The following ITPR2 variants were observed in gnomAD, a reference collection of about 807,000 sequenced individuals.
ITPR2 encodes inositol 1,4,5-trisphosphate receptor type 2, also known as inositol 1,4,5-trisphosphate-gated calcium channel ITPR2.
A neutral mutation model predicts 317.1 loss-of-function variants in ITPR2; 207 were observed. The observed-to-expected ratio is 0.65, with a 90% CI of 0.58 to 0.73. The LOEUF (loss-of-function observed/expected upper bound fraction) is 0.73, where lower values mean the gene tolerates loss of function less well. Ranked by LOEUF, ITPR2 falls within the 30% of genes least tolerant of loss-of-function variation. The probability of loss-of-function intolerance (pLI) is 0.00; values close to 1 mark genes in which losing one functional copy is unlikely to be tolerated. For synonymous variants in ITPR2, 1,156 were observed against 1,149.1 expected (o/e 1.01, Z -0.12); for missense variants, 2,613 against 3,284.0 (o/e 0.80, Z 4.99).
At chr12:26,588,830 T>C (rs1454504377) in intron 32 of ITPR2, among the ~76,000 whole-genome samples, 1 of 152,256 alleles carries the variant, frequency 6.6e-6, no homozygotes, top group Non-Finnish European at 1.5e-5. Flanking sequence ...GCCTCCTAAA[T>C]TATTTCTTGG....
rs767109803 is a variant in ITPR2 at position 26,487,258 on chromosome 12, G to A, written c.5371-7C>T. 2.5e-6 allele frequency: 4 copies of A among 1,582,698 alleles called. No individual in the cohort carries two copies. The highest frequency in any genetic ancestry group is 3.4e-6 in the Non-Finnish European group (4 of 1,167,714). ...ACTGCTGGTAGAAAGAATACTGCAAGAAAACATATTTTAAGACATCAATAC... is the reference window on the plus strand; with the variant it reads ...ACTGCTGGTAGAAAGAATACTGCAAAAAAACATATTTTAAGACATCAATAC... On this transcript the variant is annotated splice_polypyrimidine_tract_variant and splice_region_variant and intron_variant, in intron 39 of 56. Coordinates refer to ENST00000381340, the MANE Select transcript of ITPR2 (RefSeq NM_002223.4).
At chr12:26,726,931 C>A (rs749660724) in intron 2 of ITPR2, among the ~76,000 whole-genome samples, 9 of 151,898 alleles carry the variant, frequency 5.9e-5, no homozygotes, top group Non-Finnish European at 8.8e-5. Context: ...GATTGCCCCA[C>A]CCCCCATATA....
Position 26,659,151 on chromosome 12 carries a change from T to C in ITPR2, c.1848A>G (p.Glu616=). 1 of 1,613,576 alleles carries C rather than the reference T, an allele frequency of 6.2e-7. No individual in the cohort carries two copies. Among genetic ancestry groups the C allele is most frequent in the East Asian group, 2.2e-5 (1 of 44,816 alleles). The change falls in exon 16 of 57, where the codon GAA becomes GAG. Residue 616 remains glutamate, a synonymous_variant. Coordinates refer to ENST00000381340, the MANE Select transcript of ITPR2 (RefSeq NM_002223.4). ...TTCTCCTGAGTAAACTGACAAATGT[T>C]TCTATTTCTTTTGCTGTGATATGTT... ...LEKHITAKEI[E]TFVSLLRRNR... is the part of the protein sequence containing the mutation.
At chr12:26,470,787 C>T (rs949278500) in intron 45 of ITPR2, among the ~76,000 whole-genome samples, 1 of 152,076 alleles carries the variant, frequency 6.6e-6, no homozygotes, top group Admixed American at 6.5e-5. Context: ...TACCCTGTGA[C>T]CCAGTAATTA....
chr12:26,557,447 A>G (rs1016036422), intron 35 of ITPR2, among the ~76,000 whole-genome samples: 2 of 152,220 alleles, frequency 1.3e-5, no homozygotes, highest in African/African-American at 4.8e-5. Flanking sequence ...GTCCCAGTCA[A>G]TGAGACATCA....
chr12:26,450,617 T>A (rs1941714876), intron 45 of ITPR2, among the ~76,000 whole-genome samples: 1 of 152,176 alleles, frequency 6.6e-6, no homozygotes, highest in African/African-American at 2.4e-5. Flanking sequence ...AGGTGAATAT[T>A]TGGTACTTAG....
chr12:26,655,455 A>T (rs558573826), intron 20 of ITPR2, among the ~76,000 whole-genome samples: 7 of 152,106 alleles, frequency 4.6e-5, no homozygotes, highest in Admixed American at 4.6e-4. Context: ...TCTACTAAAA[A>T]TACAAAAAAT....
intron 2 of ITPR2, among the ~76,000 whole-genome samples, chr12:26,754,382 T>C (rs1949484074): frequency 6.6e-6 from 1 of 152,204 alleles, no homozygotes; most frequent in Admixed American, 6.5e-5. Context: ...AAAAGTCAGC[T>C]CTTATCTGCA....
chr12:26,619,719 A>G (rs1203865075), intron 26 of ITPR2, among the ~76,000 whole-genome samples: 1 of 152,174 alleles, frequency 6.6e-6, no homozygotes, highest in Admixed American at 6.5e-5. Flanking sequence ...AAGGAATTAA[A>G]GCTGGAGTCT....
chr12:26,486,415 A>T (rs1392145161), intron 40 of ITPR2, 55 bp from the exon 41 acceptor site: 34 of 1,344,780 alleles, frequency 2.5e-5, no homozygotes, highest in Middle Eastern at 3.9e-4. Flanking sequence ...TTACTAATTA[A>T]AAAAAAAAAA....
chr12:26,496,044 C>T (rs1056210405), intron 37 of ITPR2, among the ~76,000 whole-genome samples: 2 of 152,072 alleles, frequency 1.3e-5, no homozygotes, highest in African/African-American at 4.8e-5. Context: ...AATATAATTG[C>T]TTGCATGTAC....
chr12:26,669,724 G>A (rs1483074977), intron 13 of ITPR2, among the ~76,000 whole-genome samples: 1 of 152,228 alleles, frequency 6.6e-6, no homozygotes, highest in African/African-American at 2.4e-5. Flanking sequence ...CGCACCATGC[G>A]CGAGCCGAAG....
intron 32 of ITPR2, among the ~76,000 whole-genome samples, chr12:26,584,053 G>C (rs1945462347): frequency 6.6e-6 from 1 of 152,102 alleles, no homozygotes; most frequent in Non-Finnish European, 1.5e-5. Flanking sequence ...TACTCTATTA[G>C]ACCCTTTCTC....
At chr12:26,494,577 C>G (rs1230452677) in intron 38 of ITPR2, among the ~76,000 whole-genome samples, 1 of 151,884 alleles carries the variant, frequency 6.6e-6, no homozygotes, top group Non-Finnish European at 1.5e-5. Flanking sequence ...TGAGACCAGC[C>G]TGGCCAACAG....
At chr12:26,825,218 G>A (rs994358345) in intron 1 of ITPR2, among the ~76,000 whole-genome samples, 1 of 152,146 alleles carries the variant, frequency 6.6e-6, no homozygotes, top group Non-Finnish European at 1.5e-5. Flanking sequence ...GGACGATAGA[G>A]CAAGACCCTG....
chr12:26,721,705 C>G (rs73292383), intron 5 of ITPR2, among the ~76,000 whole-genome samples: 2,055 of 152,230 alleles, frequency 0.013, 49 homozygotes, highest in African/African-American at 0.046. Context: ...AATTTATTCT[C>G]TATTTTATAA....
intron 52 of ITPR2, among the ~76,000 whole-genome samples, chr12:26,401,898 A>C (rs1479485433): frequency 6.6e-6 from 1 of 152,244 alleles, no homozygotes; most frequent in African/African-American, 2.4e-5. Context: ...GGAGGGCTGA[A>C]GTCAGAGATG....
At chr12:26,771,187 T>C (rs1028444141) in intron 2 of ITPR2, among the ~76,000 whole-genome samples, 4 of 152,222 alleles carry the variant, frequency 2.6e-5, no homozygotes, top group African/African-American at 9.7e-5. Flanking sequence ...ACATTATACA[T>C]AAAGACTTGG....
chr12:26,783,325 C>A (rs988753748), intron 2 of ITPR2, among the ~76,000 whole-genome samples: 1 of 152,192 alleles, frequency 6.6e-6, no homozygotes, highest in Non-Finnish European at 1.5e-5. Flanking sequence ...AGAACTGGAA[C>A]CTTCAAGACC....
Sources: gnomAD v4.1 joint callset for allele counts (sites outside exome capture counted in the v4.1 genomes callset) on GRCh38, gnomAD v4.1.1 for gene constraint, MANE v1.5 for transcripts, NCBI Gene and HGNC (gene_info 2026-07-23, HGNC 2026-07-21) for gene names.